The following ZNF883 variants were observed in gnomAD, a reference collection of about 807,000 sequenced individuals.
ZNF883 encodes the protein zinc finger protein 883.
At chr9:113,004,099 A>G (rs186922111) in intron 2 of ZNF883, among the ~76,000 whole-genome samples, 11 of 152,330 alleles carry the variant, frequency 7.2e-5, no homozygotes, top group African/African-American at 2.6e-4. Context: ...ACCCACAGAC[A>G]CACACACAGA....
intron 1 of ZNF883, among the ~76,000 whole-genome samples, chr9:112,989,687 T>C (rs556469047): frequency 2.6e-5 from 4 of 152,332 alleles, no homozygotes; most frequent in African/African-American, 9.6e-5. Context: ...GGGAATAGCA[T>C]TGAATCCATA....
intron 1 of ZNF883, among the ~76,000 whole-genome samples, chr9:112,989,655 A>G (rs1564330258): frequency 6.6e-6 from 1 of 152,200 alleles, no homozygotes; most frequent in Non-Finnish European, 1.5e-5. Context: ...AATTCTGTGA[A>G]GAATGTCAAT....
upstream of ZNF883, among the ~76,000 whole-genome samples, chr9:113,001,271 G>T (rs1488405800): frequency 6.6e-6 from 1 of 152,046 alleles, no homozygotes; most frequent in Non-Finnish European, 1.5e-5. Flanking sequence ...TATTTTAAAA[G>T]CAAGAAAACC....
chr9:112,998,831 T>C (rs909308867), upstream of ZNF883: 1 of 152,194 alleles, frequency 6.6e-6, no homozygotes, highest in Non-Finnish European at 1.5e-5. Flanking sequence ...ATGAGGTCTT[T>C]TTCTTATAAA....
At chr9:112,997,389 T>A (rs1828372395) in exon 1 of ZNF883, 1 of 1,613,922 alleles carries the variant, frequency 6.2e-7, no homozygotes, top group South Asian at 1.1e-5. Flanking sequence ...TGATAGGGTT[T>A]CACACAAGAA....
At chr9:112,996,416 T>C (rs1258102072), downstream of ZNF883, among the ~76,000 whole-genome samples, 1 of 152,200 alleles carries the variant, frequency 6.6e-6, no homozygotes, top group African/African-American at 2.4e-5. Flanking sequence ...TGCTGAAATA[T>C]AACATAGGAC....
At chr9:113,000,814 T>C (rs1242652525), upstream of ZNF883, among the ~76,000 whole-genome samples, 4 of 151,960 alleles carry the variant, frequency 2.6e-5, no homozygotes, top group Admixed American at 6.6e-5. Flanking sequence ...ATGGGGATAA[T>C]AGAATATAAG....
At chr9:112,997,351 G>C in exon 1 of ZNF883, 1 of 1,613,972 alleles carries the variant, frequency 6.2e-7, no homozygotes, top group Non-Finnish European at 8.5e-7. Context: ...ATGTTCTATA[G>C]CAAAACAGTT....
chr9:113,012,035 G>A (rs969265144), intron 1 of ZNF883, 115 bp downstream of exon 1: 1 of 152,406 alleles, frequency 6.6e-6, no homozygotes, highest in Non-Finnish European at 1.5e-5. Context: ...TCCGCCCCCG[G>A]GCCCGGCCAA....
chr9:112,991,476 C>A (rs60471678), intron 1 of ZNF883, among the ~76,000 whole-genome samples: 44,736 of 151,630 alleles, frequency 0.3, 7,474 homozygotes, highest in African/African-American at 0.45. Context: ...AGTTCTTCTG[C>A]ATTTACTGAA....
intron 2 of ZNF883, among the ~76,000 whole-genome samples, chr9:113,003,821 C>T (rs1019777053): frequency 2.6e-5 from 4 of 152,174 alleles, no homozygotes; most frequent in African/African-American, 9.7e-5. Flanking sequence ...ACTGCTGACT[C>T]CTCAGCAGTT....
exon 1 of ZNF883, chr9:112,997,783 T>C (rs1281430906): frequency 6.2e-7 from 1 of 1,613,776 alleles, no homozygotes; most frequent in East Asian, 2.2e-5. Flanking sequence ...TGAAGGTTTT[T>C]CCACATTCAG....
upstream of ZNF883, chr9:112,998,593 T>A (rs892288081): frequency 5.7e-6 from 1 of 176,160 alleles, no homozygotes; most frequent in African/African-American, 2.4e-5. Flanking sequence ...AACTTTTAAA[T>A]GGTGTGGTTT....
chr9:112,997,158 G>C (rs767906056), exon 1 of ZNF883: 1 of 1,609,822 alleles, frequency 6.2e-7, no homozygotes, highest in East Asian at 2.2e-5. Flanking sequence ...TGAGTTTTCT[G>C]ATGTCGAATT....
At chr9:112,997,485 G>A (rs565304929) in exon 1 of ZNF883, 2 of 1,614,172 alleles carry the variant, frequency 1.2e-6, no homozygotes, top group South Asian at 2.2e-5. Flanking sequence ...TCTCCAGTAT[G>A]AGTTCTCTGG....
exon 1 of ZNF883, chr9:112,997,769 C>G: frequency 6.2e-7 from 1 of 1,613,700 alleles, no homozygotes; most frequent in South Asian, 1.1e-5. Flanking sequence ...GTGTGTGCTG[C>G]GGCTGAAGGT....
At chr9:113,007,794 A>C (rs1474016419) in intron 2 of ZNF883, among the ~76,000 whole-genome samples, 1 of 152,212 alleles carries the variant, frequency 6.6e-6, no homozygotes, top group Non-Finnish European at 1.5e-5. Context: ...TCAAGCCAAC[A>C]GTAATGAACT....
chr9:112,999,901 G>C (rs1828406527), upstream of ZNF883: 1 of 152,164 alleles, frequency 6.6e-6, no homozygotes, highest in Admixed American at 6.5e-5. Context: ...GGTTAGTTGG[G>C]TGGAGTTGAA....
downstream of ZNF883, among the ~76,000 whole-genome samples, chr9:112,992,667 G>A (rs1437077794): frequency 1.3e-5 from 2 of 152,178 alleles, no homozygotes; most frequent in Non-Finnish European, 2.9e-5. Context: ...ACATCCTGAA[G>A]TATGGTTTCC....
Sources: allele counts gnomAD v4.1 joint callset (sites outside exome capture counted in the v4.1 genomes callset), GRCh38; gene constraint gnomAD v4.1.1; transcripts MANE v1.5; gene names NCBI Gene and HGNC (gene_info 2026-07-23, HGNC 2026-07-21).